The following DOK6 variants were observed in gnomAD, a reference collection of about 807,000 sequenced individuals.
The protein encoded by DOK6 is docking protein 6, also known as downstream of tyrosine kinase 6.
Under a neutral mutation model 44.0 loss-of-function variants are expected in DOK6, and 22 were observed. That is an observed-to-expected ratio of 0.50 (90% CI 0.36 to 0.71). The LOEUF (loss-of-function observed/expected upper bound fraction) is 0.71. Ranked by LOEUF, DOK6 falls within the 30% of genes least tolerant of loss-of-function variation. The pLI, the probability that DOK6 is intolerant of heterozygous loss-of-function variation, is 0.00. For synonymous variants in DOK6, 166 were observed against 145.5 expected (o/e 1.14, Z -1.01); for missense variants, 340 against 416.4 (o/e 0.82, Z 1.60).
intron 5 of DOK6, among the ~76,000 whole-genome samples, chr18:69,720,401 C>T (rs942786806): frequency 6.6e-6 from 1 of 152,094 alleles, no homozygotes; most frequent in African/African-American, 2.4e-5. Context: ...ATGCTAATTC[C>T]ATATTTAAAT....
intron 6 of DOK6, among the ~76,000 whole-genome samples, chr18:69,754,783 C>A (rs934001709): frequency 6.6e-6 from 1 of 152,216 alleles, no homozygotes; most frequent in African/African-American, 2.4e-5. Context: ...GGTCCCCACA[C>A]TTATATCTTC....
chr18:69,564,510 T>C lies in DOK6; in HGVS notation c.90T>C (p.Val30=). 6.2e-7 allele frequency: 1 copy of C among 1,613,896 alleles called. No homozygotes were observed. Among genetic ancestry groups the C allele is most frequent in the Non-Finnish European group, 8.5e-7 (1 of 1,179,908 alleles). The change falls in exon 2 of 8, where the codon GTT becomes GTC. Residue 30 remains valine (V), a synonymous_variant. Coordinates refer to ENST00000382713, the MANE Select transcript of DOK6 (RefSeq NM_152721.6). ...AGATTTTCAGACGATGCTGGTTGGTTTTCAAGAAGGCTTCTAGCAAAGGAC... is the reference window on the plus strand; with the variant it reads ...AGATTTTCAGACGATGCTGGTTGGTCTTCAAGAAGGCTTCTAGCAAAGGAC... ...KLGIFRRCWL[V]FKKASSKGPR... is the part of the protein sequence containing the mutation.
chr18:69,420,344 G>T (rs1978454485), intron 1 of DOK6, among the ~76,000 whole-genome samples: 1 of 151,874 alleles, frequency 6.6e-6, no homozygotes, highest in Admixed American at 6.6e-5. Flanking sequence ...AAATTGTGCA[G>T]CAACTTTTAC....
intron 6 of DOK6, among the ~76,000 whole-genome samples, chr18:69,745,437 G>A (rs1978953786): frequency 1.3e-5 from 2 of 152,160 alleles, no homozygotes; most frequent in Admixed American, 1.3e-4. Context: ...CAATGGCTCA[G>A]ACTATCTTTT....
At chr18:69,541,922 A>T (rs1371907661) in intron 1 of DOK6, among the ~76,000 whole-genome samples, 2 of 151,446 alleles carry the variant, frequency 1.3e-5, no homozygotes, top group Admixed American at 1.3e-4. Context: ...TCTGTGACAG[A>T]CTCTGTCTCA....
intron 4 of DOK6, among the ~76,000 whole-genome samples, chr18:69,692,861 A>G (rs1267789685): frequency 6.6e-6 from 1 of 152,238 alleles, no homozygotes; most frequent in Non-Finnish European, 1.5e-5. Flanking sequence ...ACATTTATGT[A>G]AGTATTAATT....
chr18:69,507,307 G>A (rs1037884979), intron 1 of DOK6, among the ~76,000 whole-genome samples: 10 of 152,208 alleles, frequency 6.6e-5, no homozygotes, highest in South Asian at 2.1e-4. Context: ...GATTACAGGC[G>A]TGAGCCACCG....
chr18:69,673,354 T>G (rs749509359), intron 3 of DOK6, among the ~76,000 whole-genome samples: 9 of 152,224 alleles, frequency 5.9e-5, no homozygotes, highest in Non-Finnish European at 1.0e-4. Flanking sequence ...AGCTTGAATC[T>G]AATTACTTAG....
chr18:69,403,946 G>A (rs548711325), intron 1 of DOK6, among the ~76,000 whole-genome samples: 48 of 152,092 alleles, frequency 3.2e-4, no homozygotes, highest in African/African-American at 1.0e-3. Context: ...TAACTCCAAG[G>A]ACACGATGAG....
intron 6 of DOK6, among the ~76,000 whole-genome samples, chr18:69,747,773 T>G (rs1012101405): frequency 6.6e-6 from 1 of 152,190 alleles, no homozygotes; most frequent in Non-Finnish European, 1.5e-5. Context: ...TAAGAAGGAT[T>G]TAAACCTTGA....
intron 3 of DOK6, among the ~76,000 whole-genome samples, chr18:69,621,064 A>G (rs1337443228): frequency 6.6e-6 from 1 of 151,062 alleles, no homozygotes; most frequent in Non-Finnish European, 1.5e-5. Context: ...CTGGTTATCT[A>G]CATCTACTTG....
chr18:69,470,344 G>A (rs1980061651), intron 1 of DOK6, among the ~76,000 whole-genome samples: 1 of 152,116 alleles, frequency 6.6e-6, no homozygotes, highest in Admixed American at 6.5e-5. Context: ...AGCTATCTTT[G>A]TTCATCTCAT....
intron 1 of DOK6, among the ~76,000 whole-genome samples, chr18:69,432,798 T>C (rs909627817): frequency 7.2e-5 from 11 of 152,220 alleles, no homozygotes; most frequent in Non-Finnish European, 1.3e-4. Context: ...ATTTAAAATA[T>C]AAATTCATAC....
intron 1 of DOK6, among the ~76,000 whole-genome samples, chr18:69,429,620 CAT>C (rs143819043): frequency 0.011 from 1,187 of 104,950 alleles, 4 homozygotes; most frequent in Middle Eastern, 0.019. Flanking sequence ...TTGAGGGATA[CAT>C]ATATATATAT....
At chr18:69,657,198 A>T (rs117716971) in intron 3 of DOK6, among the ~76,000 whole-genome samples, 4,352 of 152,316 alleles carry the variant, frequency 0.029, 87 homozygotes, top group Non-Finnish European at 0.044. Context: ...GATGGGAAGG[A>T]TGACTGCGAT....
rs1444785906 is a variant in DOK6 at position 69,537,084 on chromosome 18, C to A, written c.67-27403C>A. On this transcript the variant is annotated intron_variant, in intron 1 of 7. Coordinates refer to ENST00000382713, the MANE Select transcript of DOK6 (RefSeq NM_152721.6). ...CTCCTGGCCTCAAGCAGTCCTCCCA[C>A]CTCAGCCTCCCAAGGTGCTGGGATT... Among the ~76,000 whole-genome samples, 57 of 151,822 alleles carry A rather than the reference C, an allele frequency of 3.8e-4. 1 individual carries two copies. Among genetic ancestry groups the A allele is most frequent in the Non-Finnish European group, 8.8e-5 (6 of 67,976 alleles).
chr18:69,425,713 TAAAA>T (rs374319905), intron 1 of DOK6, among the ~76,000 whole-genome samples: 1 of 151,736 alleles, frequency 6.6e-6, no homozygotes, highest in East Asian at 1.9e-4. Context: ...TTTAAAGTGT[TAAAA>T]AAAATGTTGC....
At chr18:69,745,849 A>C (rs962047484) in intron 6 of DOK6, among the ~76,000 whole-genome samples, 8 of 152,222 alleles carry the variant, frequency 5.3e-5, no homozygotes, top group African/African-American at 1.7e-4. Context: ...ATTTAGCTTT[A>C]AGTGGGAAAA....
intron 1 of DOK6, among the ~76,000 whole-genome samples, chr18:69,490,465 A>T (rs1599156102): frequency 6.6e-6 from 1 of 152,220 alleles, no homozygotes; most frequent in African/African-American, 2.4e-5. Flanking sequence ...AAATGTTTCA[A>T]GTTAAGAAGG....
Sources: gnomAD v4.1 joint callset for allele counts (sites outside exome capture counted in the v4.1 genomes callset) on GRCh38, gnomAD v4.1.1 for gene constraint, MANE v1.5 for transcripts, NCBI Gene and HGNC (gene_info 2026-07-23, HGNC 2026-07-21) for gene names.